The following SERPINA12 variants were observed in gnomAD, a reference collection of about 807,000 sequenced individuals.
The protein encoded by SERPINA12 is serpin family A member 12.
In SERPINA12, 21 loss-of-function variants were observed where a neutral mutation model predicts 25.9. That is an observed-to-expected ratio of 0.81 (90% CI 0.58 to 1.17). The LOEUF (loss-of-function observed/expected upper bound fraction) is 1.17, where lower values mean the gene tolerates loss of function less well. Ranked by LOEUF, SERPINA12 falls within the 50% of genes most tolerant of loss-of-function variation. SERPINA12 has a pLI of 0.00. For missense variants in SERPINA12, 562 were observed against 508.3 expected, an observed-to-expected ratio of 1.11 and a Z score of -1.02; for synonymous variants, 220 against 196.0, an observed-to-expected ratio of 1.12 and a Z score of -1.02.
rs769625552 is a variant in SERPINA12 at position 94,498,256 on chromosome 14, G to C, written c.142C>G (p.Leu48Val). ...GWKQRMAAKE[L>V]ARQNMDLGFK... ...CCTAAGTCCATGTTCTGCCTTGCAA[G>C]CTCCTTGGCTGCCATCCTTTGCTTC... Residue 48 changes from leucine (L) to valine (V), a missense_variant, in exon 2 of 5, where the codon CTT (leucine) becomes GTT (valine). Physicochemically the swap from Leu to Val is conservative, Grantham distance 32. Coordinates refer to ENST00000677451, the MANE Select transcript of SERPINA12 (RefSeq NM_001382267.1). 1.2e-6 allele frequency: 2 copies of C among 1,614,084 alleles called. No individual in the cohort carries two copies.
chr14:94,490,324 G>A (rs764737265), intron 3 of SERPINA12, among the ~76,000 whole-genome samples: 3 of 152,140 alleles, frequency 2.0e-5, no homozygotes, highest in Non-Finnish European at 2.9e-5. Flanking sequence ...TTGGTGCGTA[G>A]CAGGTGCCCA....
At chr14:94,514,860 G>C (rs1175612050) in intron 2 of SERPINA12, among the ~76,000 whole-genome samples, 1 of 152,170 alleles carries the variant, frequency 6.6e-6, no homozygotes. Flanking sequence ...TGTGGAGGTG[G>C]GCAAGGATTA....
chr14:94,494,808 G>A (rs1951015), intron 3 of SERPINA12, among the ~76,000 whole-genome samples: 17,244 of 152,190 alleles, frequency 0.11, 1,088 homozygotes, highest in African/African-American at 0.16. Flanking sequence ...GAGTACTGTG[G>A]TGTTGGCGAT....
upstream of SERPINA12, chr14:94,510,158 C>T: frequency 1.0e-6 from 1 of 985,396 alleles, no homozygotes. Context: ...AGTGTACTCA[C>T]CTGTACAATG....
In SERPINA12 at chr14:94,489,763, C is replaced by T. The variant is rs144796398; in HGVS notation, c.910G>A (p.Val304Ile). The T allele has an allele frequency of 4.9e-4, 784 of 1,613,880 alleles. 4 individuals carry two copies. The African/African-American group carries it at 8.3e-3, about 17-fold the overall frequency. Residue 304 changes from valine to isoleucine, a missense_variant, in exon 4 of 5, where the codon GTA (valine) becomes ATA (isoleucine). Transcript: ENST00000677451. ...TGGAGTCTGGGTACAGACACGTCTA[C>T]GACCCTGGGGAATTGACACGACAAG... ...RWKTLLSRRV[V>I]DVSVPRLHMT...
intron 1 of SERPINA12, among the ~76,000 whole-genome samples, chr14:94,500,075 G>A (rs2139855698): frequency 6.6e-6 from 1 of 152,290 alleles, no homozygotes; most frequent in Admixed American, 6.5e-5. Context: ...ATAAGCAGAT[G>A]AATGAACACC....
Position 94,497,873 on chromosome 14 carries a change from C to T in SERPINA12, c.525G>A (p.Lys175=). The change falls in exon 2 of 5, where the codon AAG becomes AAA. Residue 175 remains lysine, a synonymous_variant. Transcript: ENST00000677451. ...TNFQNLEMAQ[K]QINDFISQKT... is the part of the protein sequence containing the mutation. ...TTTGACTGATAAAGTCATTGATCTG[C>T]TTCTGAGCCATTTCCAAATTCTGAA... 1.2e-6 allele frequency: 2 copies of T among 1,614,174 alleles called. No individual in the cohort carries two copies. Among genetic ancestry groups the T allele is most frequent in the Non-Finnish European group, 1.7e-6 (2 of 1,180,026 alleles).
At chr14:94,511,019 A>G (rs569353912), upstream of SERPINA12, among the ~76,000 whole-genome samples, 76 of 152,284 alleles carry the variant, frequency 5.0e-4, no homozygotes, top group African/African-American at 1.8e-3. Flanking sequence ...TGGGTGCACT[A>G]AAACTCAGAA....
At chr14:94,492,742 A>G (rs1200851234) in intron 3 of SERPINA12, among the ~76,000 whole-genome samples, 2 of 152,194 alleles carry the variant, frequency 1.3e-5, no homozygotes, top group African/African-American at 4.8e-5. Context: ...GCATATACCA[A>G]TATGTACGGA....
chr14:94,517,419 C>T (rs1017222038), exon 1 of SERPINA12: 3 of 152,228 alleles, frequency 2.0e-5, no homozygotes, highest in Admixed American at 6.5e-5. Context: ...TTTACAAACG[C>T]GGGTTTGGCA....
intron 2 of SERPINA12, among the ~76,000 whole-genome samples, chr14:94,497,398 G>A (rs747845392): frequency 6.6e-6 from 1 of 152,214 alleles, no homozygotes; most frequent in Non-Finnish European, 1.5e-5. Context: ...AGTCCTGACT[G>A]TCAATGATGG....
chr14:94,495,060 C>CTTTAT (rs1427863532), intron 3 of SERPINA12, among the ~76,000 whole-genome samples: 26 of 127,394 alleles, frequency 2.0e-4, no homozygotes, highest in African/African-American at 8.9e-4. Context: ...CAGAATTTCC[C>CTTTAT]TTTCTTTTTT....
chr14:94,493,166 C>T (rs1566806394), intron 3 of SERPINA12, among the ~76,000 whole-genome samples: 2 of 152,204 alleles, frequency 1.3e-5, no homozygotes, highest in African/African-American at 4.8e-5. Flanking sequence ...GCTCTCTGGA[C>T]TAGGCTTCCC....
Position 94,487,461 on chromosome 14 carries a change from T to C in SERPINA12, c.1087A>G (p.Arg363Gly). ...VHKAELKMDE[R>G]GTEGAAGTGA... ...GTGCCAGCGGCCCCTTCCGTACCCC[T>C]CTCATCCATCTTCAGCTCAGCCTTG... Residue 363 changes from arginine (R) to glycine (G), a missense_variant, in exon 5 of 5, where the codon AGG (arginine) becomes GGG (glycine). Transcript: ENST00000677451. 6.2e-7 allele frequency: 1 copy of C among 1,613,722 alleles called. No individual in the cohort carries two copies. The highest frequency in any genetic ancestry group is 8.5e-7 in the Non-Finnish European group (1 of 1,179,854).
At chr14:94,502,650 G>A (rs1440225414) in intron 1 of SERPINA12, among the ~76,000 whole-genome samples, 1 of 152,126 alleles carries the variant, frequency 6.6e-6, no homozygotes, top group Non-Finnish European at 1.5e-5. Flanking sequence ...CCTGATAGTT[G>A]ACCACCCTAC....
intron 1 of SERPINA12, among the ~76,000 whole-genome samples, 177 bp downstream of exon 1, chr14:94,509,165 T>C (rs1444571983): frequency 6.6e-6 from 1 of 152,100 alleles, no homozygotes; most frequent in Non-Finnish European, 1.5e-5. Context: ...ATGGAACTCT[T>C]GGCCAGACTG....
At chr14:94,514,640 G>T (rs6575440) in intron 2 of SERPINA12, among the ~76,000 whole-genome samples, 1 of 152,018 alleles carries the variant, frequency 6.6e-6, no homozygotes, top group Non-Finnish European at 1.5e-5. Context: ...AGTTGGGGCC[G>T]GATGCTCTCT....
chr14:94,502,884 C>T (rs979062642), intron 1 of SERPINA12, among the ~76,000 whole-genome samples: 2 of 152,226 alleles, frequency 1.3e-5, no homozygotes, highest in African/African-American at 2.4e-5. Context: ...GAAACCCCTT[C>T]CTGCCCCAGG....
intron 2 of SERPINA12, 118 bp from the exon 3 acceptor site, chr14:94,496,761 A>G (rs1900444925): frequency 1.2e-6 from 1 of 838,054 alleles, no homozygotes; most frequent in African/African-American, 1.7e-5. Context: ...ATTCCGGGAT[A>G]TCAGGGAAGT....
Sources: gnomAD v4.1 joint callset for allele counts (sites outside exome capture counted in the v4.1 genomes callset) on GRCh38, gnomAD v4.1.1 for gene constraint, MANE v1.5 for transcripts, NCBI Gene and HGNC (gene_info 2026-07-23, HGNC 2026-07-21) for gene names.